TTC6: variants seen among roughly 807,000 people sequenced by gnomAD.
TTC6 encodes tetratricopeptide repeat protein 6.
TTC6 carries 172 observed loss-of-function variants against 210.4 expected under a neutral mutation model. That is an observed-to-expected ratio of 0.82 (90% CI 0.72 to 0.93). The LOEUF (loss-of-function observed/expected upper bound fraction) is 0.93, where lower values mean the gene tolerates loss of function less well. Among genes scored for constraint, TTC6 ranks in the 40% least tolerant of loss-of-function variants. The pLI, the probability that TTC6 is intolerant of heterozygous loss-of-function variation, is 0.00. For synonymous variants in TTC6, 804 were observed against 819.6 expected (o/e 0.98, Z 0.32); for missense variants, 2,414 against 2,318.1 (o/e 1.04, Z -0.85).
chr14:37,831,290 C>G (rs940770831), intron 29 of TTC6, among the ~76,000 whole-genome samples: 7 of 152,130 alleles, frequency 4.6e-5, no homozygotes, highest in African/African-American at 1.7e-4. Flanking sequence ...TATTCCATTG[C>G]ATATATGCAA....
At chr14:37,758,668 G>A (rs1374341746) in intron 14 of TTC6, among the ~76,000 whole-genome samples, 1 of 152,028 alleles carries the variant, frequency 6.6e-6, no homozygotes, top group African/African-American at 2.4e-5. Flanking sequence ...TTTAATTTGG[G>A]CATTTAGTCC....
intron 16 of TTC6, 115 bp downstream of exon 18, chr14:37,790,952 T>G (rs1325501397): frequency 1.3e-5 from 11 of 821,326 alleles, no homozygotes; most frequent in South Asian, 1.2e-4. Flanking sequence ...AATGAGACAC[T>G]TATAAAGTCA....
rs1202570045 is a variant in TTC6, at chr14:37,598,887, C to T, written c.-235+2879C>T. On this transcript the variant is annotated intron_variant, in intron 1 of 2. Transcript: ENST00000556845. The surrounding 1 kb of genome is among the most constrained non-coding windows in gnomAD (Gnocchi z 4.9). ...GTTGTCAGGTGACGGCTTCAGCAAC[C>T]CAGCCATGCTTGGTGTGGAGTGGTT... 2.0e-5 allele frequency among the ~76,000 whole-genome samples: 3 copies of T among 152,208 alleles called. No homozygotes were observed. Among genetic ancestry groups the T allele is most frequent in the Non-Finnish European group, 4.4e-5 (3 of 68,042 alleles).
At chr14:37,792,915 T>A (rs2096083779) in intron 17 of TTC6, among the ~76,000 whole-genome samples, 1 of 152,022 alleles carries the variant, frequency 6.6e-6, no homozygotes. Context: ...GTTTTATAAG[T>A]TGTTCACATT....
intron 15 of TTC6, 147 bp from the exon 18 acceptor site, chr14:37,790,570 A>G: frequency 4.4e-6 from 3 of 676,652 alleles, no homozygotes; most frequent in Non-Finnish European, 7.2e-6. Context: ...TTAACTTACC[A>G]AACAAGTACA....
chr14:37,725,306 GTGTGTGTA>G (rs1453158483), intron 7 of TTC6, among the ~76,000 whole-genome samples: 3 of 78,728 alleles, frequency 3.8e-5, no homozygotes, highest in African/African-American at 1.6e-4. Flanking sequence ...GTATGTGTGT[GTGTGTGTA>G]TATATATATA....
intron 21 of TTC6, among the ~76,000 whole-genome samples, chr14:37,805,456 C>CAA (rs1432333952): frequency 6.7e-6 from 1 of 149,836 alleles, no homozygotes. Context: ...CACACACAAA[C>CAA]ACACACACAT....
At chr14:37,802,814 C>A (rs2096109980) in intron 20 of TTC6, among the ~76,000 whole-genome samples, 1 of 151,628 alleles carries the variant, frequency 6.6e-6, no homozygotes. Context: ...CTCACTGCAA[C>A]CTCTGCCTCC....
intron 29 of TTC6, among the ~76,000 whole-genome samples, chr14:37,835,753 CA>C (rs908386775): frequency 6.6e-6 from 1 of 152,138 alleles, no homozygotes; most frequent in African/African-American, 2.4e-5. Context: ...TAGAGTGTAA[CA>C]ACATTAAGTC....
chr14:37,666,463 G>A (rs904779994), intron 1 of TTC6, among the ~76,000 whole-genome samples: 2 of 131,426 alleles, frequency 1.5e-5, no homozygotes, highest in Non-Finnish European at 3.3e-5. Flanking sequence ...AAAAAAAAAA[G>A]ATGAAAGCCA....
chr14:37,785,242 A>T (rs1291897761), intron 14 of TTC6, among the ~76,000 whole-genome samples: 1 of 152,134 alleles, frequency 6.6e-6, no homozygotes, highest in Non-Finnish European at 1.5e-5. Context: ...CATTCTCCCC[A>T]TCACTTTCAG....
intron 1 of TTC6, among the ~76,000 whole-genome samples, chr14:37,643,337 A>C (rs1031192089): frequency 6.6e-6 from 1 of 152,090 alleles, no homozygotes; most frequent in Non-Finnish European, 1.5e-5. Flanking sequence ...CCCAAAACCA[A>C]AATAAAACAA....
At chr14:37,773,053 T>A (rs1435668725) in intron 14 of TTC6, among the ~76,000 whole-genome samples, 1 of 152,236 alleles carries the variant, frequency 6.6e-6, no homozygotes, top group Non-Finnish European at 1.5e-5. Context: ...TGTCTTCTAT[T>A]GAAAAGTGTC....
intron 17 of TTC6, among the ~76,000 whole-genome samples, chr14:37,793,006 G>A (rs35438963): frequency 6.6e-6 from 1 of 152,120 alleles, no homozygotes; most frequent in South Asian, 2.1e-4. Context: ...ATTCCAGCCA[G>A]ATCTGATTTT....
At chr14:37,794,933 T>C (rs1197728981) in intron 17 of TTC6, among the ~76,000 whole-genome samples, 1 of 151,966 alleles carries the variant, frequency 6.6e-6, no homozygotes, top group East Asian at 1.9e-4. Flanking sequence ...TTGTTAGGGT[T>C]GAGGGAGAAA....
At chr14:37,826,336 G>C (rs972970721) in exon 28 of TTC6, 37 of 1,601,584 alleles carry the variant, frequency 2.3e-5, no homozygotes, top group Non-Finnish European at 2.9e-5. Flanking sequence ...GGATATTAAT[G>C]CTGCCATGAA....
At chr14:37,739,622 A>G (rs1041194274) in intron 10 of TTC6, among the ~76,000 whole-genome samples, 2 of 151,554 alleles carry the variant, frequency 1.3e-5, no homozygotes, top group Non-Finnish European at 2.9e-5. Flanking sequence ...AAATATATGG[A>G]TATCTCTTAG....
intron 14 of TTC6, among the ~76,000 whole-genome samples, chr14:37,764,034 A>AAC (rs1388168099): frequency 6.6e-6 from 1 of 151,928 alleles, no homozygotes; most frequent in Non-Finnish European, 1.5e-5. Flanking sequence ...TTTCCTTTGT[A>AAC]ATTTTCCCTT....
Position 37,807,359 on chromosome 14 carries a change from AG to A in TTC6, c.4356del (p.Arg1452SerfsTer7), listed in dbSNP as rs749830365. On this transcript the variant is annotated frameshift_variant, in exon 23 of 31. Coordinates refer to ENST00000553443, the Ensembl canonical transcript of TTC6. LOFTEE classifies it high-confidence loss of function. Reference sequence around the variant, plus strand: ...AGTAGCATTCTATGGTTTAAAAGGCAGGTATTCCAAAGCAATCTTGAATTGT... The same window carrying A: ...AGTAGCATTCTATGGTTTAAAAGGCAGTATTCCAAAGCAATCTTGAATTGT... 5.6e-5 allele frequency: 86 copies of A among 1,530,408 alleles called. No individual in the cohort carries two copies. Among genetic ancestry groups the A allele is most frequent in the Non-Finnish European group, 7.3e-5 (83 of 1,142,918 alleles). The allele number at this position is 1,530,408 out of a possible 1,614,324, so 94.8% of individuals were successfully genotyped here.
Sources: gnomAD v4.1 joint callset for allele counts (sites outside exome capture counted in the v4.1 genomes callset) on GRCh38, gnomAD v4.1.1 for gene constraint, Gnocchi (gnomAD v3.1) non-coding constraint, MANE v1.5 for transcripts, NCBI Gene and HGNC (gene_info 2026-07-23, HGNC 2026-07-21) for gene names.